Variants in HDAC1 observed in about 807,000 individuals in gnomAD.
The protein encoded by HDAC1 is protein deacetylase HDAC1.
A neutral mutation model predicts 65.5 loss-of-function variants in HDAC1; 18 were observed. The ratio of observed to expected loss-of-function variants is 0.27; its 90% CI spans 0.19 to 0.41. The LOEUF (loss-of-function observed/expected upper bound fraction) is 0.41, where lower values mean the gene tolerates loss of function less well. Ranked by LOEUF, HDAC1 falls within the 10% of genes least tolerant of loss-of-function variation. The pLI is 1.00. For synonymous variants in HDAC1, 211 were observed against 227.9 expected, an observed-to-expected ratio of 0.93 and a Z score of 0.67; for missense variants, 373 against 625.2, an observed-to-expected ratio of 0.60 and a Z score of 4.30.
intron 1 of HDAC1, among the ~76,000 whole-genome samples, chr1:32,297,014 G>C (rs1250613500): frequency 6.6e-6 from 1 of 152,138 alleles, no homozygotes; most frequent in Non-Finnish European, 1.5e-5. Flanking sequence ...CTCAAGATCA[G>C]GAAAGAGAAT....
chr1:32,320,625 C>T (rs1021819054), intron 3 of HDAC1, among the ~76,000 whole-genome samples: 1 of 151,932 alleles, frequency 6.6e-6, no homozygotes, highest in African/African-American at 2.4e-5. Flanking sequence ...ACAGGCCAGG[C>T]AGGGTAGCTC....
At chr1:32,323,911 A>G (rs1641182142) in intron 3 of HDAC1, among the ~76,000 whole-genome samples, 3 of 152,112 alleles carry the variant, frequency 2.0e-5, no homozygotes, top group Non-Finnish European at 4.4e-5. Context: ...ACGAACCAAC[A>G]TTTTCCAAGT....
intron 1 of HDAC1, among the ~76,000 whole-genome samples, chr1:32,298,246 G>A (rs909951377): frequency 1.3e-5 from 2 of 151,482 alleles, no homozygotes; most frequent in Non-Finnish European, 2.9e-5. Flanking sequence ...ATGCCACCAC[G>A]CCCGGCTAAT....
intron 2 of HDAC1, among the ~76,000 whole-genome samples, chr1:32,312,715 GC>G (rs1342086899): frequency 6.6e-6 from 1 of 151,020 alleles, no homozygotes; most frequent in Non-Finnish European, 1.5e-5. Context: ...TCGCTCTGTC[GC>G]CCAGGCTGGA....
chr1:32,319,075 C>T (rs1010718164), intron 3 of HDAC1, among the ~76,000 whole-genome samples: 8 of 151,616 alleles, frequency 5.3e-5, no homozygotes, highest in Non-Finnish European at 8.8e-5. Flanking sequence ...GCCAAGATCG[C>T]GCCACTGCAC....
At chr1:32,311,793 G>A (rs1640995828) in intron 2 of HDAC1, among the ~76,000 whole-genome samples, 1 of 152,180 alleles carries the variant, frequency 6.6e-6, no homozygotes, top group East Asian at 1.9e-4. Flanking sequence ...TGAATTTGAA[G>A]TGCCTTTAGG....
chr1:32,332,864 C>A, intron 13 of HDAC1, 115 bp downstream of exon 13: 1 of 1,187,684 alleles, frequency 8.4e-7, no homozygotes, highest in Non-Finnish European at 1.2e-6. Context: ...AGGCCTCTTT[C>A]AGGGACCAGT....
rs1641072314 is a variant in HDAC1 at position 32,316,851 on chromosome 1, A to G, written c.280+69A>G. ...ATCTCCCTTTCCACTGTAGAGGCCC[A>G]TTCTGCCGTCCTCGCACCTCCCATT... On this transcript the variant is annotated intron_variant, in intron 3 of 13. Transcript: ENST00000373548. 9.4e-6 allele frequency: 9 copies of G among 957,316 alleles called. No individual in the cohort carries two copies. The Admixed American group carries it at 1.6e-4, about 17-fold the overall frequency. 59.3% of individuals were successfully genotyped at this position (957,316 alleles called of 1,614,324 possible).
rs141194304 is a variant in HDAC1, at chr1:32,308,579, C to T, written c.162+5846C>T. Among the ~76,000 whole-genome samples, 615 of 146,236 alleles carry T rather than the reference C, an allele frequency of 4.2e-3. 3 individuals carry two copies. The highest frequency in any genetic ancestry group is 0.015 in the African/African-American group (579 of 39,460). ...TGTCACCCAGGCTGGAGTGCAGTGGCGCAATCTCGGCCCACTGCAAGCTCC... is the reference window on the plus strand; with the variant it reads ...TGTCACCCAGGCTGGAGTGCAGTGGTGCAATCTCGGCCCACTGCAAGCTCC... On this transcript the variant is annotated intron_variant, in intron 2 of 13. Transcript: ENST00000373548.
Position 32,316,673 on chromosome 1 carries a change from C to T in HDAC1, c.171C>T (p.His57=). Residue 57 remains histidine (H), a synonymous_variant, in exon 3 of 14, where the codon CAC becomes CAT. Transcript: ENST00000373548. ...LYRKMEIYRP[H]KANAEEMTKY... ...TCCCTTCTGCCCTCTAGCGCCCTCA[C>T]AAAGCCAATGCTGAGGAGATGACCA... The T allele has an allele frequency of 6.2e-7, 1 of 1,610,922 alleles. No individual in the cohort carries two copies. Among genetic ancestry groups the T allele is most frequent in the East Asian group, 2.2e-5 (1 of 44,862 alleles).
chr1:32,294,424 G>T lies in HDAC1; in HGVS notation c.49+2206G>T, dbSNP rs559477903. The stretch of plus-strand genomic sequence containing the variant: ...GCCTCCCAAAGTGCTGGGATTATAG[G>T]CATGAGCCACACTTCCTGGCCTCTG... On this transcript the variant is annotated intron_variant, in intron 1 of 13. Transcript: ENST00000373548. 3.9e-5 allele frequency among the ~76,000 whole-genome samples: 6 copies of T among 152,076 alleles called. No homozygotes were observed. The South Asian group carries it at 1.2e-3, about 32-fold the overall frequency.
At chr1:32,309,064 A>G (rs1229025371) in intron 2 of HDAC1, among the ~76,000 whole-genome samples, 1 of 152,112 alleles carries the variant, frequency 6.6e-6, no homozygotes, top group Non-Finnish European at 1.5e-5. Flanking sequence ...TGCCCCCCTT[A>G]GCCTCCCAAA....
Position 32,327,558 on chromosome 1 carries a change from A to G in HDAC1, c.517A>G (p.Ile173Val), listed in dbSNP as rs769386006. 1.2e-6 allele frequency: 2 copies of G among 1,613,172 alleles called. No individual in the cohort carries two copies. Among genetic ancestry groups the G allele is most frequent in the South Asian group, 1.1e-5 (1 of 91,064 alleles). ...TAGGTATCACCAGAGGGTGCTGTACATTGACATTGATATTCACCATGGTGA... is the reference window on the plus strand; with the variant it reads ...TAGGTATCACCAGAGGGTGCTGTACGTTGACATTGATATTCACCATGGTGA... ...LLKYHQRVLY[I>V]DIDIHHGDGV... Residue 173 changes from isoleucine (I) to valine (V), a missense_variant, in exon 6 of 14, where the codon ATT becomes GTT. Around this residue, in one of 4 missense-constraint regions of HDAC1, gnomAD observed 62 missense variants for 180.0 expected, o/e 0.34. Coordinates refer to ENST00000373548, the MANE Select transcript of HDAC1 (RefSeq NM_004964.3). This position sits in a 1 kb window ranked among gnomAD's most constrained non-coding sequence, Gnocchi z 6.0.
chr1:32,307,587 T>G (rs1211459322), intron 2 of HDAC1, among the ~76,000 whole-genome samples: 1 of 152,186 alleles, frequency 6.6e-6, no homozygotes, highest in Non-Finnish European at 1.5e-5. Flanking sequence ...GAGCTGGATG[T>G]TACAAAATTT....
rs116551962 is a variant in HDAC1 at position 32,319,495 on chromosome 1, A to T, written c.280+2713A>T. On this transcript the variant is annotated intron_variant, in intron 3 of 13. Transcript: ENST00000373548. The stretch of plus-strand genomic sequence containing the variant: ...TTTATTTTTATTCTTGTTTTTAGAG[A>T]TGGGGTCTTGCTTTGTCATCCAGGG... Among the ~76,000 whole-genome samples the T allele has an allele frequency of 3.8e-3, 575 of 152,244 alleles. 6 individuals carry two copies. Among genetic ancestry groups the T allele is most frequent in the African/African-American group, 0.013 (542 of 41,544 alleles).
At chr1:32,303,273 G>A (rs112769199) in intron 2 of HDAC1, among the ~76,000 whole-genome samples, 11,305 of 151,786 alleles carry the variant, frequency 0.074, 1,393 homozygotes, top group African/African-American at 0.26. Flanking sequence ...GAGACCATCC[G>A]GGTCAACATG....
chr1:32,324,579 G>A (rs1641191194), intron 4 of HDAC1, 26 bp downstream of exon 4: 2 of 1,481,744 alleles, frequency 1.3e-6, no homozygotes, highest in Non-Finnish European at 1.9e-6. Context: ...CTTCTCCCCA[G>A]GGGTAGACTG....
In HDAC1 at chr1:32,329,169, C is replaced by G. The variant is rs761209910; in HGVS notation, c.729+9C>G. The stretch of plus-strand genomic sequence containing the variant: ...AGGCCATTTTCAAGCCGGTAAGTGG[C>G]TTTATCCACCCCTTGGGCTACAAAC... On this transcript the variant is annotated intron_variant, in intron 7 of 13. Coordinates refer to ENST00000373548, the MANE Select transcript of HDAC1 (RefSeq NM_004964.3). This position sits in a 1 kb window ranked among gnomAD's most constrained non-coding sequence, Gnocchi z 4.1. The G allele has an allele frequency of 1.3e-6, 2 of 1,536,844 alleles. No homozygotes were observed. Among genetic ancestry groups the G allele is most frequent in the Non-Finnish European group, 1.8e-6 (2 of 1,109,348 alleles).
intron 2 of HDAC1, among the ~76,000 whole-genome samples, chr1:32,311,373 C>T (rs1308637719): frequency 1.3e-5 from 2 of 151,770 alleles, no homozygotes; most frequent in Non-Finnish European, 1.5e-5. Context: ...GAGTCTGAGA[C>T]GGGAGAATCG....
Sources: allele counts gnomAD v4.1 joint callset (sites outside exome capture counted in the v4.1 genomes callset), GRCh38; gene constraint gnomAD v4.1.1; regional missense constraint gnomAD v4.1.1; non-coding constraint Gnocchi (gnomAD v3.1); transcripts MANE v1.5; gene names NCBI Gene and HGNC (gene_info 2026-07-23, HGNC 2026-07-21).